The following MAGI2 variants were observed in gnomAD, a reference collection of about 807,000 sequenced individuals.
MAGI2 encodes the protein membrane-associated guanylate kinase, WW and PDZ domain-containing protein 2.
Under a neutral mutation model 133.3 loss-of-function variants are expected in MAGI2, and 35 were observed. That is an observed-to-expected ratio of 0.26 (90% CI 0.20 to 0.35). The LOEUF is 0.35. MAGI2 is among the 10% of genes least tolerant of loss of function. The probability of loss-of-function intolerance (pLI) is 1.00; values close to 1 mark genes in which losing one functional copy is unlikely to be tolerated. For missense variants in MAGI2, 1,636 were observed against 1,863.4 expected (o/e 0.88, Z 2.25); for synonymous variants, 729 against 710.6 (o/e 1.03, Z -0.41).
intron 1 of MAGI2, among the ~76,000 whole-genome samples, chr7:79,162,349 T>C (rs950549675): frequency 6.6e-6 from 1 of 152,034 alleles, no homozygotes; most frequent in African/African-American, 2.4e-5. Context: ...TCTGCCTTAT[T>C]TGGCATCCCA....
At chr7:79,215,154 C>G (rs1829915774) in intron 1 of MAGI2, among the ~76,000 whole-genome samples, 1 of 151,670 alleles carries the variant, frequency 6.6e-6, no homozygotes. Flanking sequence ...CTTTGGAATT[C>G]AGGAACAACT....
intron 2 of MAGI2, among the ~76,000 whole-genome samples, chr7:78,642,345 A>G (rs1347884615): frequency 6.6e-6 from 1 of 152,236 alleles, no homozygotes. Context: ...TAAAACGAGC[A>G]CAGCATATGA....
At chr7:78,727,907 T>C (rs924898058) in intron 2 of MAGI2, among the ~76,000 whole-genome samples, 8 of 152,318 alleles carry the variant, frequency 5.3e-5, no homozygotes, top group Admixed American at 4.6e-4. Context: ...AAAGAGCATA[T>C]TGTCTAGTGA....
At chr7:79,025,677 G>C (rs924709010) in intron 1 of MAGI2, among the ~76,000 whole-genome samples, 1 of 152,130 alleles carries the variant, frequency 6.6e-6, no homozygotes, top group East Asian at 1.9e-4. Context: ...TTCTTTATCA[G>C]TCTTGTCCTA....
chr7:78,979,351 T>TTC (rs569987781), intron 2 of MAGI2, among the ~76,000 whole-genome samples: 1 of 149,392 alleles, frequency 6.7e-6, no homozygotes, highest in Non-Finnish European at 1.5e-5. Context: ...GTCAAAAAAG[T>TTC]CCCCCCCCAG....
At chr7:78,126,307 T>C (rs1048080191) in intron 19 of MAGI2, among the ~76,000 whole-genome samples, 4 of 152,120 alleles carry the variant, frequency 2.6e-5, no homozygotes, top group Admixed American at 2.6e-4. Context: ...GACTATTGAA[T>C]ATCAAGTTGG....
intron 2 of MAGI2, among the ~76,000 whole-genome samples, chr7:78,804,748 CAAAAAAA>C (rs373472835): frequency 3.1e-5 from 3 of 97,734 alleles, no homozygotes; most frequent in East Asian, 3.4e-4. Context: ...GACTCTGTCT[CAAAAAAA>C]AAAAAAAAAA....
chr7:79,121,333 G>T (rs1172993751), intron 1 of MAGI2, among the ~76,000 whole-genome samples: 1 of 152,032 alleles, frequency 6.6e-6, no homozygotes, highest in African/African-American at 2.4e-5. Flanking sequence ...CTCCCTTTAG[G>T]CTCTTGTATG....
At chr7:78,244,167 T>TAAAAAAA (rs535442682) in intron 10 of MAGI2, among the ~76,000 whole-genome samples, 262 of 68,726 alleles carry the variant, frequency 3.8e-3, no homozygotes, top group African/African-American at 4.8e-3. Context: ...CTATTTAAAT[T>TAAAAAAA]AAAAAAAAAA....
intron 6 of MAGI2, among the ~76,000 whole-genome samples, chr7:78,381,696 A>C (rs1441909210): frequency 6.6e-6 from 1 of 152,194 alleles, no homozygotes. Flanking sequence ...TTAAATGGGT[A>C]AAGATGTTCT....
At chr7:78,611,696 G>A (rs972724046) in intron 3 of MAGI2, among the ~76,000 whole-genome samples, 7 of 152,190 alleles carry the variant, frequency 4.6e-5, no homozygotes, top group African/African-American at 1.7e-4. Flanking sequence ...CGTACAGCCT[G>A]GGATGCAAAC....
At chr7:78,790,207 A>G (rs1827140918) in intron 2 of MAGI2, among the ~76,000 whole-genome samples, 1 of 152,194 alleles carries the variant, frequency 6.6e-6, no homozygotes, top group Non-Finnish European at 1.5e-5. Flanking sequence ...AGTTATACAT[A>G]ATTATATGTA....
chr7:78,655,467 A>AAG lies in MAGI2; in HGVS notation c.419-28229_419-28228insCT, dbSNP rs1812118520. Among the ~76,000 whole-genome samples the AAG allele has an allele frequency of 4.7e-5, 7 of 150,430 alleles. 1 individual carries two copies. Among genetic ancestry groups the AAG allele is most frequent in the Admixed American group, 4.0e-4 (6 of 15,114 alleles). ...AAAAAAAACAACCAAAAAAAAAAAA[A>AAG]AAAAAAAACCACCAGAAAAAAATGC... On this transcript the variant is annotated intron_variant, in intron 2 of 21. Transcript: ENST00000354212.
chr7:78,032,198 A>C (rs756749196), intron 21 of MAGI2, among the ~76,000 whole-genome samples: 30 of 151,894 alleles, frequency 2.0e-4, no homozygotes, highest in Non-Finnish European at 5.9e-5. Context: ...ATCTTTCTAC[A>C]TTAGAACCCA....
chr7:79,337,852 G>T (rs1585623245), intron 1 of MAGI2, among the ~76,000 whole-genome samples: 1 of 152,078 alleles, frequency 6.6e-6, no homozygotes, highest in African/African-American at 2.4e-5. Flanking sequence ...ACCCTTAATT[G>T]TGATGTGGTG....
chr7:78,365,871 ATG>A (rs942483433), intron 7 of MAGI2, among the ~76,000 whole-genome samples: 3 of 152,170 alleles, frequency 2.0e-5, no homozygotes, highest in African/African-American at 7.2e-5. Flanking sequence ...TGAGAGGAAA[ATG>A]TGTGTTTATG....
intron 2 of MAGI2, among the ~76,000 whole-genome samples, chr7:78,849,119 T>C (rs1584137679): frequency 6.6e-6 from 1 of 152,112 alleles, no homozygotes; most frequent in East Asian, 1.9e-4. Flanking sequence ...TATTAATATT[T>C]ATTGTAAACT....
chr7:79,003,341 T>C (rs1377343645), intron 2 of MAGI2, among the ~76,000 whole-genome samples: 3 of 152,304 alleles, frequency 2.0e-5, no homozygotes, highest in Admixed American at 6.5e-5. Flanking sequence ...GCAGAATTAC[T>C]CAGTTAGGTC....
chr7:78,043,609 T>C (rs1258949199), intron 21 of MAGI2, among the ~76,000 whole-genome samples: 2 of 152,222 alleles, frequency 1.3e-5, no homozygotes, highest in East Asian at 3.8e-4. Flanking sequence ...TCTTCTTTTT[T>C]AGCCTTTAAG....
Sources: allele counts gnomAD v4.1 joint callset (sites outside exome capture counted in the v4.1 genomes callset), GRCh38; gene constraint gnomAD v4.1.1; transcripts MANE v1.5; gene names NCBI Gene and HGNC (gene_info 2026-07-23, HGNC 2026-07-21).